Variants in VAV3 observed in about 807,000 individuals in gnomAD.
VAV3 encodes the protein guanine nucleotide exchange factor VAV3.
In VAV3, 94 loss-of-function variants were observed where a neutral mutation model predicts 131.2. That is an observed-to-expected ratio of 0.72 (90% confidence interval 0.61 to 0.85). The LOEUF (loss-of-function observed/expected upper bound fraction) is 0.85, where lower values mean the gene tolerates loss of function less well. Ranked by LOEUF, VAV3 falls within the 40% of genes least tolerant of loss-of-function variation. The probability of loss-of-function intolerance (pLI) is 0.00; values close to 1 mark genes in which losing one functional copy is unlikely to be tolerated. For synonymous variants in VAV3, 349 were observed against 342.0 expected (o/e 1.02, Z -0.22); for missense variants, 939 against 1,002.7 (o/e 0.94, Z 0.86).
At chr1:107,879,369 T>C (rs1670655686) in intron 1 of VAV3, among the ~76,000 whole-genome samples, 2 of 152,220 alleles carry the variant, frequency 1.3e-5, no homozygotes, top group South Asian at 2.1e-4. Context: ...ATACACAGGA[T>C]TGGCCTAACT....
At position 107,603,106 on chromosome 1, in the gene VAV3, A is replaced by C; in HGVS notation, c.2073T>G (p.Asn691Lys). 1 of 1,613,726 alleles carries C rather than the reference A, an allele frequency of 6.2e-7. No individual in the cohort carries two copies. Among genetic ancestry groups the C allele is most frequent in the Non-Finnish European group, 8.5e-7 (1 of 1,179,820 alleles). Residue 691 changes from asparagine (N) to lysine (K), a missense_variant, in exon 23 of 27, where the codon AAT becomes AAG. Physicochemically the swap from Asn to Lys is moderately conservative, Grantham distance 94. Transcript: ENST00000370056. ...TCCTGTGCCTCACAAGGTAAGTACT[A>C]TTTACCCTATTAATAAGTTCGGTCT... ...QAETELINRV[N>K]STYLVRHRTK...
chr1:107,741,415 G>C (rs1356818903), intron 15 of VAV3, among the ~76,000 whole-genome samples: 2 of 152,186 alleles, frequency 1.3e-5, no homozygotes, highest in African/African-American at 4.8e-5. Flanking sequence ...GTGAGGCAAG[G>C]GGTGCTGGTC....
chr1:107,574,374 T>G (rs1448427197), intron 25 of VAV3, among the ~76,000 whole-genome samples, 176 bp from the exon 26 acceptor site: 1 of 152,228 alleles, frequency 6.6e-6, no homozygotes, highest in Admixed American at 6.5e-5. Flanking sequence ...TTCAATCAGG[T>G]GCAAGCAAAT....
intron 15 of VAV3, among the ~76,000 whole-genome samples, chr1:107,736,843 A>G (rs148443508): frequency 0.084 from 12,828 of 152,202 alleles, 693 homozygotes; most frequent in Admixed American, 0.17. Context: ...TCACAGAATT[A>G]GAAAAAACTA....
chr1:107,883,391 T>C (rs749610488), intron 1 of VAV3, among the ~76,000 whole-genome samples: 1 of 152,184 alleles, frequency 6.6e-6, no homozygotes, highest in Non-Finnish European at 1.5e-5. Context: ...ATCCCAAAGC[T>C]TTTATAGCAC....
At chr1:107,693,888 G>A (rs1156637332) in intron 17 of VAV3, among the ~76,000 whole-genome samples, 1 of 152,136 alleles carries the variant, frequency 6.6e-6, no homozygotes. Flanking sequence ...TTGAAGCCAT[G>A]TGACTAGTTT....
chr1:107,690,686 C>T (rs2101781027), intron 17 of VAV3, among the ~76,000 whole-genome samples: 1 of 152,078 alleles, frequency 6.6e-6, no homozygotes, highest in Admixed American at 6.5e-5. Flanking sequence ...TTAAGAAATG[C>T]TCTACACAAA....
Position 107,964,719 on chromosome 1 carries a change from G to A in VAV3, c.151C>T (p.Arg51Trp), listed in dbSNP as rs145990462. ...TCCTTCAGGTTGATGGAGTGCGCCC[G>A]GAGGTTGTTAAGCAGCTGGCAGAGC... ...VLLCQLLNNL[R>W]AHSINLKEIN... The change falls in exon 1 of 27, where the codon CGG (arginine) becomes TGG (tryptophan). Residue 51 changes from arginine to tryptophan, a missense_variant. Coordinates refer to ENST00000370056, the MANE Select transcript of VAV3 (RefSeq NM_006113.5). 1.9e-6 allele frequency: 3 copies of A among 1,614,130 alleles called. No individual in the cohort carries two copies. Among genetic ancestry groups the A allele is most frequent in the East Asian group, 4.5e-5 (2 of 44,858 alleles).
At chr1:107,824,613 T>A (rs1667937205) in intron 2 of VAV3, among the ~76,000 whole-genome samples, 1 of 152,210 alleles carries the variant, frequency 6.6e-6, no homozygotes, top group South Asian at 2.1e-4. Flanking sequence ...TATCTATATC[T>A]GTACTTCCAG....
At chr1:107,824,446 ATG>A (rs1667927317) in intron 2 of VAV3, among the ~76,000 whole-genome samples, 1 of 152,204 alleles carries the variant, frequency 6.6e-6, no homozygotes, top group African/African-American at 2.4e-5. Context: ...GGATAATGAC[ATG>A]TACATTTTCA....
chr1:107,747,218 A>C (rs940879144), intron 15 of VAV3, among the ~76,000 whole-genome samples: 1 of 152,182 alleles, frequency 6.6e-6, no homozygotes, highest in Non-Finnish European at 1.5e-5. Context: ...TGTTTGTTTT[A>C]TGGCAACTGA....
chr1:107,800,133 A>C (rs1255323656), intron 2 of VAV3, among the ~76,000 whole-genome samples: 1 of 152,168 alleles, frequency 6.6e-6, no homozygotes, highest in Non-Finnish European at 1.5e-5. Context: ...GTGTTTGTGA[A>C]TAGTGCTACA....
chr1:107,937,941 G>GCAAC (rs1673804737), intron 1 of VAV3, among the ~76,000 whole-genome samples: 1 of 152,146 alleles, frequency 6.6e-6, no homozygotes, highest in Non-Finnish European at 1.5e-5. Flanking sequence ...TCATAGGCCA[G>GCAAC]CAACCCTCAA....
At chr1:107,851,320 A>G (rs1034116967) in intron 2 of VAV3, among the ~76,000 whole-genome samples, 1 of 151,820 alleles carries the variant, frequency 6.6e-6, no homozygotes, top group Non-Finnish European at 1.5e-5. Flanking sequence ...ATGTGTTATA[A>G]AAGGGTCACT....
intron 1 of VAV3, among the ~76,000 whole-genome samples, chr1:107,909,977 T>C (rs1160184910): frequency 2.0e-5 from 3 of 152,232 alleles, no homozygotes; most frequent in African/African-American, 7.2e-5. Context: ...TCCAAATTAG[T>C]AATGAAAATA....
intron 15 of VAV3, among the ~76,000 whole-genome samples, chr1:107,718,280 G>C (rs115296196): frequency 0.015 from 2,310 of 152,218 alleles, 64 homozygotes; most frequent in African/African-American, 0.053. Context: ...CCTGTTCACA[G>C]ATGACATGAT....
chr1:107,865,369 A>AT (rs1669934275), intron 2 of VAV3, among the ~76,000 whole-genome samples: 2 of 152,188 alleles, frequency 1.3e-5, no homozygotes, highest in African/African-American at 4.8e-5. Flanking sequence ...GATAAAGCAC[A>AT]TAATTTCAGA....
At chr1:107,862,144 G>GTTCTCCACCT (rs1669769196) in intron 2 of VAV3, among the ~76,000 whole-genome samples, 1 of 151,516 alleles carries the variant, frequency 6.6e-6, no homozygotes, top group Non-Finnish European at 1.5e-5. Flanking sequence ...CAAAGACACA[G>GTTCTCCACCT]GTGCTTTAAG....
chr1:107,780,305 TTC>T (rs1162730903), intron 2 of VAV3, among the ~76,000 whole-genome samples: 3 of 152,200 alleles, frequency 2.0e-5, no homozygotes, highest in Admixed American at 1.3e-4. Context: ...CTTAATTTAA[TTC>T]TGAGTGTTTT....
Sources: allele counts gnomAD v4.1 joint callset (sites outside exome capture counted in the v4.1 genomes callset), GRCh38; gene constraint gnomAD v4.1.1; transcripts MANE v1.5; gene names NCBI Gene and HGNC (gene_info 2026-07-23, HGNC 2026-07-21).